Variants in ANO1 observed in about 807,000 individuals in gnomAD.
ANO1 encodes the protein anoctamin 1, also known as anoctamin-1.
A neutral mutation model predicts 124.0 loss-of-function variants in ANO1; 59 were observed. The ratio of observed to expected loss-of-function variants is 0.48; its 90% CI spans 0.39 to 0.59. ANO1 has a LOEUF of 0.59. ANO1 is among the 20% of genes least tolerant of loss of function. ANO1 has a pLI of 0.00. For missense variants in ANO1, 1,059 were observed against 1,328.0 expected (o/e 0.80, Z 3.15); for synonymous variants, 529 against 532.0 (o/e 0.99, Z 0.08).
chr11:70,129,782 C>T (rs2135514289), intron 10 of ANO1: 1 of 152,332 alleles, frequency 6.6e-6, no homozygotes, highest in Non-Finnish European at 1.5e-5. Flanking sequence ...GATTACATGC[C>T]AGGCTAATGT....
intron 11 of ANO1, among the ~76,000 whole-genome samples, chr11:70,140,868 T>C (rs866767597): frequency 2.7e-4 from 41 of 152,308 alleles, no homozygotes; most frequent in African/African-American, 9.4e-4. Flanking sequence ...TGTCCCTTAA[T>C]GTAAACATCT....
chr11:70,095,360 A>AAGAAAG, intron 2 of ANO1, among the ~76,000 whole-genome samples: 1 of 22,450 alleles, frequency 4.5e-5, no homozygotes, highest in South Asian at 2.0e-3. Context: ...GAAAGAAAGA[A>AAGAAAG]AGAAAGAAAG....
intron 1 of ANO1, among the ~76,000 whole-genome samples, chr11:70,022,664 C>T (rs1856829933): frequency 6.6e-6 from 1 of 152,072 alleles, no homozygotes; most frequent in African/African-American, 2.4e-5. Flanking sequence ...CCAGCCTCAC[C>T]TAGCTTGCTT....
upstream of ANO1, among the ~76,000 whole-genome samples, chr11:70,076,774 A>G (rs576811195): frequency 6.6e-6 from 1 of 152,334 alleles, no homozygotes; most frequent in East Asian, 1.9e-4. Context: ...CTGAGAACCA[A>G]ATAGCCTTCC....
intron 2 of ANO1, among the ~76,000 whole-genome samples, chr11:70,089,816 C>T (rs962329731): frequency 6.6e-6 from 1 of 152,216 alleles, no homozygotes; most frequent in Non-Finnish European, 1.5e-5. Context: ...AGCCCTGTGG[C>T]TTTCAGAACA....
chr11:70,095,780 ATCT>A (rs2044928500), intron 2 of ANO1, among the ~76,000 whole-genome samples: 1 of 152,178 alleles, frequency 6.6e-6, no homozygotes, highest in Non-Finnish European at 1.5e-5. Context: ...CCTCACCAGC[ATCT>A]TCTTGCACCA....
At chr11:70,162,567 T>G (rs1242646696) in intron 18 of ANO1, among the ~76,000 whole-genome samples, 6 of 152,120 alleles carry the variant, frequency 3.9e-5, no homozygotes, top group Non-Finnish European at 8.8e-5. Context: ...CATCCCAGGC[T>G]GCGGTGGGGC....
At chr11:70,083,098 C>T (rs1159075242) in intron 1 of ANO1, among the ~76,000 whole-genome samples, 1 of 152,144 alleles carries the variant, frequency 6.6e-6, no homozygotes, top group Non-Finnish European at 1.5e-5. Context: ...GGCACTGCTA[C>T]CATCTTTCAC....
chr11:70,075,478 A>G (rs1047022738), upstream of ANO1: 4 of 152,184 alleles, frequency 2.6e-5, no homozygotes, highest in Non-Finnish European at 4.4e-5. Context: ...AAAAAAAAAA[A>G]AAAATCAGCA....
intron 1 of ANO1, among the ~76,000 whole-genome samples, chr11:70,049,291 G>T (rs1161454259): frequency 1.3e-5 from 2 of 152,184 alleles, no homozygotes; most frequent in Non-Finnish European, 2.9e-5. Flanking sequence ...CTCTGGCTTT[G>T]CAGTTGACAG....
chr11:70,127,677 A>C (rs1360159970), intron 10 of ANO1, among the ~76,000 whole-genome samples: 1 of 152,092 alleles, frequency 6.6e-6, no homozygotes, highest in East Asian at 1.9e-4. Flanking sequence ...GCCTGGGGGA[A>C]CAGAGTGGGG....
intron 1 of ANO1, among the ~76,000 whole-genome samples, chr11:70,042,125 C>T (rs937673408): frequency 1.6e-4 from 25 of 152,162 alleles, no homozygotes; most frequent in African/African-American, 4.8e-4. Context: ...ATGAGAGGCT[C>T]GCAATTCTGA....
chr11:70,155,060 C>CT (rs2047754622), intron 14 of ANO1, among the ~76,000 whole-genome samples: 1 of 152,238 alleles, frequency 6.6e-6, no homozygotes, highest in African/African-American at 2.4e-5. Flanking sequence ...GAAGATGTCT[C>CT]AGGAGTCAGT....
intron 2 of ANO1, among the ~76,000 whole-genome samples, chr11:70,096,358 C>CCGTAT (rs1210034767): frequency 6.6e-6 from 1 of 152,136 alleles, no homozygotes; most frequent in Non-Finnish European, 1.5e-5. Flanking sequence ...TGCTGGGCAC[C>CCGTAT]CGTATCGGTC....
intron 1 of ANO1, among the ~76,000 whole-genome samples, chr11:70,046,259 C>G (rs1857258268): frequency 6.6e-6 from 1 of 152,092 alleles, no homozygotes; most frequent in Admixed American, 6.5e-5. Context: ...CTCTTGGACT[C>G]TTTTTATTTA....
At chr11:70,167,430 C>G in intron 21 of ANO1, 43 bp downstream of exon 21, 1 of 1,581,414 alleles carries the variant, frequency 6.3e-7, no homozygotes, top group Non-Finnish European at 8.6e-7. Context: ...AGGATAGAAA[C>G]AGGCCAGCAT....
intron 23 of ANO1, among the ~76,000 whole-genome samples, chr11:70,181,107 A>C (rs554876356): frequency 1.3e-5 from 2 of 152,298 alleles, no homozygotes; most frequent in South Asian, 2.1e-4. Flanking sequence ...CATCCTAGAC[A>C]TGAAAACCCG....
chr11:70,030,412 T>C (rs980153011), intron 1 of ANO1, among the ~76,000 whole-genome samples: 10 of 152,184 alleles, frequency 6.6e-5, no homozygotes, highest in African/African-American at 2.2e-4. Flanking sequence ...CTGTAACAAA[T>C]GAACACACAC....
At chr11:70,125,987 G>GA in intron 9 of ANO1, 74 bp from the exon 10 acceptor site, 1 of 1,504,546 alleles carries the variant, frequency 6.6e-7, no homozygotes. Context: ...TCTTGCTGGG[G>GA]AGGGCCTGTG....
Sources: gnomAD v4.1 joint callset for allele counts (sites outside exome capture counted in the v4.1 genomes callset) on GRCh38, gnomAD v4.1.1 for gene constraint, MANE v1.5 for transcripts, NCBI Gene and HGNC (gene_info 2026-07-23, HGNC 2026-07-21) for gene names.